NCK2: variants seen among roughly 807,000 people sequenced by gnomAD.
NCK2 encodes NCK adaptor protein 2.
Under a neutral mutation model 33.9 loss-of-function variants are expected in NCK2, and 16 were observed. That is an observed-to-expected ratio of 0.47 (90% confidence interval 0.32 to 0.72). NCK2 has a LOEUF of 0.72. Ranked by LOEUF, NCK2 falls within the 30% of genes least tolerant of loss-of-function variation. NCK2 has a pLI of 0.03. For synonymous variants in NCK2, 273 were observed against 239.9 expected, an observed-to-expected ratio of 1.14 and a Z score of -1.27; for missense variants, 418 against 537.3, an observed-to-expected ratio of 0.78 and a Z score of 2.19.
intron 2 of NCK2, among the ~76,000 whole-genome samples, chr2:105,853,511 A>G (rs911406106): frequency 1.3e-5 from 2 of 152,210 alleles, no homozygotes; most frequent in African/African-American, 2.4e-5. Context: ...TCACAGCCTT[A>G]AAAATCCTGT....
chr2:105,867,815 C>A (rs1275502682), intron 3 of NCK2, among the ~76,000 whole-genome samples: 2 of 152,178 alleles, frequency 1.3e-5, no homozygotes, highest in African/African-American at 4.8e-5. Context: ...AAGATCACCC[C>A]TTCCTAACTA....
rs566977992 is a variant in NCK2 at position 105,773,070 on chromosome 2, T to A, written c.-201+27932T>A. Among the ~76,000 whole-genome samples, 92 of 151,662 alleles carry A rather than the reference T, an allele frequency of 6.1e-4. 1 individual carries two copies. Among genetic ancestry groups the A allele is most frequent in the African/African-American group, 2.1e-3 (87 of 41,376 alleles). On this transcript the variant is annotated intron_variant, in intron 1 of 4. Transcript: ENST00000233154. ...CCCCACTCAGCAAATTTTTTTTTTTTAATTTTTCTGTAGAGACAGGCCCTC... is the reference window on the plus strand; with the variant it reads ...CCCCACTCAGCAAATTTTTTTTTTTAAATTTTTCTGTAGAGACAGGCCCTC...
intron 2 of NCK2, among the ~76,000 whole-genome samples, chr2:105,828,537 G>A (rs183139102): frequency 3.5e-4 from 53 of 152,302 alleles, no homozygotes; most frequent in Non-Finnish European, 6.2e-4. Flanking sequence ...TCTCGACTCT[G>A]AAGTCTAAGA....
intron 2 of NCK2, among the ~76,000 whole-genome samples, chr2:105,828,579 A>G (rs1452095809): frequency 6.6e-6 from 1 of 152,220 alleles, no homozygotes; most frequent in Non-Finnish European, 1.5e-5. Flanking sequence ...AGGCTCTGCA[A>G]ATCATGGCAG....
chr2:105,877,170 G>A (rs1678268263), intron 3 of NCK2, among the ~76,000 whole-genome samples: 1 of 152,092 alleles, frequency 6.6e-6, no homozygotes, highest in African/African-American at 2.4e-5. Context: ...CACTCTTGGT[G>A]CATTTTTCTC....
At chr2:105,750,730 A>G (rs1689430055) in intron 1 of NCK2, among the ~76,000 whole-genome samples, 2 of 152,250 alleles carry the variant, frequency 1.3e-5, no homozygotes, top group African/African-American at 2.4e-5. Context: ...CTTCTCTTCA[A>G]CTTAGGTAGG....
chr2:105,811,553 G>C (rs1675294036), intron 1 of NCK2, among the ~76,000 whole-genome samples: 1 of 152,214 alleles, frequency 6.6e-6, no homozygotes, highest in African/African-American at 2.4e-5. Context: ...TTCAGTCCTT[G>C]TCTTTAAGGA....
intron 1 of NCK2, among the ~76,000 whole-genome samples, chr2:105,766,280 C>A (rs1291045072): frequency 1.3e-5 from 2 of 152,020 alleles, no homozygotes; most frequent in Admixed American, 6.6e-5. Flanking sequence ...GTGGGGAGAA[C>A]CTGATGTATT....
At chr2:105,819,107 C>T (rs1358576334) in intron 2 of NCK2, among the ~76,000 whole-genome samples, 2 of 152,080 alleles carry the variant, frequency 1.3e-5, no homozygotes, top group South Asian at 4.1e-4. Flanking sequence ...AGCTCCTGGT[C>T]GGCAGTCGGG....
intron 1 of NCK2, among the ~76,000 whole-genome samples, chr2:105,783,908 A>G (rs1046963443): frequency 6.6e-6 from 1 of 152,036 alleles, no homozygotes; most frequent in Non-Finnish European, 1.5e-5. Context: ...ATGTGGATAT[A>G]TTTGGAATTT....
At chr2:105,878,953 C>T (rs545025714) in intron 3 of NCK2, among the ~76,000 whole-genome samples, 19 of 152,296 alleles carry the variant, frequency 1.2e-4, no homozygotes, top group African/African-American at 4.3e-4. Context: ...GTCTCAGGAA[C>T]TCAGTGGCTG....
In NCK2 at chr2:105,892,974, C is replaced by T. The variant is rs755729599; in HGVS notation, c.949-8C>T. ...CCCGGCTGTAACTGTGTTCTGTTTC[C>T]TCCCCAGCCCAGCGACTTCTCCGTG... is the stretch of plus-strand genomic sequence containing the variant. On this transcript the variant is annotated splice_polypyrimidine_tract_variant and splice_region_variant and intron_variant, in intron 4 of 4. Transcript: ENST00000233154. 5 of 1,601,270 alleles carry T rather than the reference C, an allele frequency of 3.1e-6. No individual in the cohort carries two copies. Among genetic ancestry groups the T allele is most frequent in the Non-Finnish European group, 4.3e-6 (5 of 1,170,034 alleles).
chr2:105,758,373 A>C (rs1171069859), intron 1 of NCK2, among the ~76,000 whole-genome samples: 1 of 141,518 alleles, frequency 7.1e-6, no homozygotes, highest in Non-Finnish European at 1.6e-5. Flanking sequence ...AATTTAGTTT[A>C]TTTCTTACTC....
chr2:105,767,084 G>C (rs4851852), intron 1 of NCK2, among the ~76,000 whole-genome samples: 1 of 151,984 alleles, frequency 6.6e-6, no homozygotes, highest in Non-Finnish European at 1.5e-5. Context: ...ACACACCAGT[G>C]CTGGGTTCCT....
intron 3 of NCK2, among the ~76,000 whole-genome samples, chr2:105,859,313 G>C (rs967742537): frequency 6.6e-6 from 1 of 152,092 alleles, no homozygotes; most frequent in African/African-American, 2.4e-5. Context: ...AAAAAGTTAC[G>C]GTTCCATTTA....
intron 4 of NCK2, among the ~76,000 whole-genome samples, chr2:105,888,310 A>G (rs1468389339): frequency 7.0e-6 from 1 of 143,718 alleles, no homozygotes; most frequent in East Asian, 2.4e-4. Context: ...GAAGGACATA[A>G]CAGGAAGAAG....
At chr2:105,854,886 G>A (rs1234870616) in intron 2 of NCK2, 162 bp from the exon 3 acceptor site, 2 of 582,916 alleles carry the variant, frequency 3.4e-6, no homozygotes, top group African/African-American at 3.7e-5. Flanking sequence ...ACTAAAGCTT[G>A]TTGAAAGAAG....
At chr2:105,887,701 C>T (rs1299463934) in intron 4 of NCK2, among the ~76,000 whole-genome samples, 2 of 152,124 alleles carry the variant, frequency 1.3e-5, no homozygotes, top group African/African-American at 4.8e-5. Flanking sequence ...AAAGTCTGTC[C>T]TCGGCATTCA....
intron 1 of NCK2, among the ~76,000 whole-genome samples, chr2:105,793,673 C>G (rs1336756221): frequency 6.6e-6 from 1 of 152,136 alleles, no homozygotes; most frequent in Non-Finnish European, 1.5e-5. Context: ...GTATTTTTAC[C>G]CACTGCAGTT....
Sources: gnomAD v4.1 joint callset for allele counts (sites outside exome capture counted in the v4.1 genomes callset) on GRCh38, gnomAD v4.1.1 for gene constraint, MANE v1.5 for transcripts, NCBI Gene and HGNC (gene_info 2026-07-23, HGNC 2026-07-21) for gene names.